The following PIGN variants were observed in gnomAD, a reference collection of about 807,000 sequenced individuals.
PIGN encodes GPI ethanolamine phosphate transferase 1.
Under a neutral mutation model 125.4 loss-of-function variants are expected in PIGN, and 117 were observed. That is an observed-to-expected ratio of 0.93 (90% CI 0.80 to 1.09). The LOEUF is 1.09. Among genes scored for constraint, PIGN ranks in the 50% least tolerant of loss-of-function variants. The pLI, the probability that PIGN is intolerant of heterozygous loss-of-function variation, is 0.00. For synonymous variants in PIGN, 392 were observed against 377.8 expected (o/e 1.04, Z -0.44); for missense variants, 1,075 against 1,094.9 (o/e 0.98, Z 0.26).
chr18:62,097,169 A>G (rs2034244614), intron 22 of PIGN, among the ~76,000 whole-genome samples: 1 of 135,848 alleles, frequency 7.4e-6, no homozygotes, highest in South Asian at 2.6e-4. Context: ...TTCGCAACCT[A>G]CTCATCTGAC....
chr18:62,145,039 C>T (rs1354000843), intron 10 of PIGN, among the ~76,000 whole-genome samples: 3 of 151,690 alleles, frequency 2.0e-5, no homozygotes, highest in African/African-American at 7.3e-5. Context: ...GAGAAAGGAG[C>T]CCAGTCCTAC....
intron 23 of PIGN, among the ~76,000 whole-genome samples, chr18:62,020,223 G>A (rs1467807750): frequency 3.9e-5 from 6 of 152,192 alleles, no homozygotes; most frequent in Admixed American, 3.9e-4. Flanking sequence ...CAGAAAGGCT[G>A]CTCTAGATCT....
intron 1 of PIGN, among the ~76,000 whole-genome samples, chr18:62,169,787 G>C (rs1448604353): frequency 6.6e-6 from 1 of 151,614 alleles, no homozygotes; most frequent in African/African-American, 2.4e-5. Context: ...TGCCAGCTAA[G>C]TTTTAAATTT....
At chr18:62,116,866 A>C (rs2035105964) in intron 14 of PIGN, among the ~76,000 whole-genome samples, 1 of 152,154 alleles carries the variant, frequency 6.6e-6, no homozygotes, top group South Asian at 2.1e-4. Flanking sequence ...AGAAAGGAAA[A>C]AAAGCTTGTC....
intron 1 of PIGN, among the ~76,000 whole-genome samples, chr18:62,175,176 C>G (rs2037483645): frequency 6.6e-6 from 1 of 150,804 alleles, no homozygotes; most frequent in South Asian, 2.1e-4. Context: ...TTTCACTTCT[C>G]CACATTCACT....
downstream of PIGN, among the ~76,000 whole-genome samples, chr18:62,039,547 GT>G (rs2030310787): frequency 1.1e-5 from 1 of 94,058 alleles, no homozygotes. Context: ...CATGTTTAGG[GT>G]CCATCCAGGG....
Position 62,088,808 on chromosome 18 carries a change from A to C in PIGN, c.2318T>G (p.Ile773Arg). 6.4e-7 allele frequency: 1 copy of C among 1,560,682 alleles called. No homozygotes were observed. ...CAGATATAGCTGTCGAAACTGAGTT[A>C]TATCAGTATTATAAGAGAACTGGAT... ...TSIQFSYNTD[I>R]TQFRQLYLDD... The change falls in exon 25 of 31, where the codon ATA becomes AGA. Residue 773 changes from isoleucine to arginine, a missense_variant. Around this residue, in one of 3 missense-constraint regions of PIGN, gnomAD observed 915 missense variants for 908.7 expected, o/e 1.01. Transcript: ENST00000640252.
downstream of PIGN, among the ~76,000 whole-genome samples, chr18:62,036,328 CT>C (rs1216276755): frequency 4.6e-5 from 7 of 151,442 alleles, no homozygotes; most frequent in Non-Finnish European, 1.0e-4. Flanking sequence ...TGTCCTTGAA[CT>C]CCTGGGCTTA....
At position 62,090,529 on chromosome 18, in the gene PIGN, T is replaced by C. The variant is rs374860427; in HGVS notation, c.2230A>G (p.Ile744Val). The C allele has an allele frequency of 1.4e-5, 22 of 1,611,464 alleles. No homozygotes were observed. Among genetic ancestry groups the C allele is most frequent in the Non-Finnish European group, 1.9e-5 (22 of 1,178,544 alleles). ...LVLSCLMFVW[I>V]NIEQETLQQS... ...TGTAGAGTTTCTTGTTCTATGTTTA[T>C]CCAGACAAACATCAAACAAGACAAC... Residue 744 changes from isoleucine to valine, a missense_variant, in exon 24 of 31, where the codon ATA becomes GTA. Ile to Val is a conservative substitution (Grantham distance 29). This residue lies in a region of PIGN where 915 missense variants were observed against 908.7 expected (regional missense o/e 1.01). Coordinates refer to ENST00000640252, the MANE Select transcript of PIGN (RefSeq NM_176787.5).
chr18:62,053,570 T>C (rs2031488143), intron 30 of PIGN, among the ~76,000 whole-genome samples: 1 of 152,148 alleles, frequency 6.6e-6, no homozygotes, highest in South Asian at 2.1e-4. Flanking sequence ...TCACTTCAAT[T>C]ATGGAGGAAA....
At chr18:62,088,641 G>A in intron 25 of PIGN, 115 bp downstream of exon 25, 1 of 644,376 alleles carries the variant, frequency 1.6e-6, no homozygotes, top group Admixed American at 3.1e-5. Flanking sequence ...ATAGTTCAGG[G>A]AGGTTAAAGT....
chr18:62,112,375 A>G (rs1568187802), intron 16 of PIGN, among the ~76,000 whole-genome samples: 1 of 152,184 alleles, frequency 6.6e-6, no homozygotes, highest in Non-Finnish European at 1.5e-5. Flanking sequence ...TTTTTAGAGA[A>G]CTTGAACATG....
At chr18:62,156,960 TAAG>T (rs1703224298) in intron 6 of PIGN, among the ~76,000 whole-genome samples, 166 bp downstream of exon 6, 1 of 151,784 alleles carries the variant, frequency 6.6e-6, no homozygotes, top group South Asian at 2.1e-4. Context: ...CAAGTATAAC[TAAG>T]AAGGAAAAAA....
chr18:62,149,615 A>G (rs537605085), intron 7 of PIGN, among the ~76,000 whole-genome samples: 76 of 152,330 alleles, frequency 5.0e-4, no homozygotes, highest in East Asian at 3.5e-3. Context: ...TCATAAAGCT[A>G]TGTGGATCTA....
rs547310938 is a variant in PIGN, at chr18:62,144,840, C to T, written c.922+1069G>A. Among the ~76,000 whole-genome samples the T allele has an allele frequency of 9.9e-5, 15 of 152,252 alleles. No homozygotes were observed. The East Asian group carries it at 2.9e-3, about 29-fold the overall frequency. ...CAGACTGAGTCAGGCATGGTACACA[C>T]CTGTGGTTCCAGCGACTTGGGAGGC... On this transcript the variant is annotated intron_variant, in intron 10 of 30. Transcript: ENST00000640252.
intron 30 of PIGN, chr18:62,070,229 G>A (rs1339194167): frequency 2.5e-6 from 1 of 393,860 alleles, no homozygotes; most frequent in Admixed American, 4.4e-5. Flanking sequence ...TCAAACCCAG[G>A]CGCTCTGGTT....
intron 14 of PIGN, among the ~76,000 whole-genome samples, chr18:62,125,079 T>C (rs1236304638): frequency 2.0e-5 from 3 of 151,220 alleles, no homozygotes; most frequent in African/African-American, 4.9e-5. Context: ...AATATACATG[T>C]TTGTACATAC....
At chr18:62,107,386 C>A (rs551116005) in intron 17 of PIGN, 4 of 273,612 alleles carry the variant, frequency 1.5e-5, no homozygotes, top group African/African-American at 9.0e-5. Context: ...CCTGAGGTCA[C>A]AAGTTTGAGA....
At chr18:62,143,758 A>G (rs1443960905) in intron 10 of PIGN, among the ~76,000 whole-genome samples, 1 of 152,200 alleles carries the variant, frequency 6.6e-6, no homozygotes, top group East Asian at 1.9e-4. Flanking sequence ...TTTCTCTGTG[A>G]TGGCAGTTCC....
Sources: gnomAD v4.1 joint callset for allele counts (sites outside exome capture counted in the v4.1 genomes callset) on GRCh38, gnomAD v4.1.1 for gene constraint, gnomAD v4.1.1 regional missense constraint, MANE v1.5 for transcripts, NCBI Gene and HGNC (gene_info 2026-07-23, HGNC 2026-07-21) for gene names.